Variants in ALK observed in about 807,000 individuals in gnomAD.
ALK encodes ALK receptor tyrosine kinase.
In ALK, 74 loss-of-function variants were observed where a neutral mutation model predicts 163.1. The observed-to-expected ratio is 0.45, with a 90% CI of 0.38 to 0.55. The LOEUF (loss-of-function observed/expected upper bound fraction) is 0.55. ALK is among the 20% of genes least tolerant of loss of function. The pLI is 0.00. For missense variants in ALK, 2,063 were observed against 2,105.3 expected (o/e 0.98, Z 0.39); for synonymous variants, 960 against 843.2 (o/e 1.14, Z -2.40).
Position 29,225,790 on chromosome 2 carries a change from G to T in ALK, c.3068-225C>A, listed in dbSNP as rs184052100. Among the ~76,000 whole-genome samples, 632 of 152,274 alleles carry T rather than the reference G, an allele frequency of 4.2e-3. 6 individuals are homozygous for T. Among genetic ancestry groups the T allele is most frequent in the African/African-American group, 0.014 (586 of 41,548 alleles). ...TTTTGGGTGAAGGGAAATTTAACAG[G>T]GATGAATATCAGTGGCGGGATGTTG... is the stretch of plus-strand genomic sequence containing the variant. On this transcript the variant is annotated intron_variant, in intron 18 of 28. Transcript: ENST00000389048.
At chr2:29,264,760 T>C (rs1665169902) in intron 11 of ALK, among the ~76,000 whole-genome samples, 2 of 152,232 alleles carry the variant, frequency 1.3e-5, no homozygotes, top group Admixed American at 6.5e-5. Context: ...TGGGACACTT[T>C]TGGCCCTTTG....
At chr2:29,741,709 T>A (rs2541192) in intron 1 of ALK, among the ~76,000 whole-genome samples, 100,314 of 151,894 alleles carry the variant, frequency 0.66, 36,947 homozygotes, top group East Asian at 0.82. Context: ...TAGAGAATCA[T>A]TTGTGATGGT....
At chr2:29,476,961 G>A (rs956678177) in intron 4 of ALK, among the ~76,000 whole-genome samples, 1 of 152,132 alleles carries the variant, frequency 6.6e-6, no homozygotes, top group Admixed American at 6.5e-5. Context: ...CATGCACCTC[G>A]CCTCACCCTC....
At chr2:29,463,243 G>A (rs184475720) in intron 4 of ALK, among the ~76,000 whole-genome samples, 1 of 152,280 alleles carries the variant, frequency 6.6e-6, no homozygotes, top group African/African-American at 2.4e-5. Flanking sequence ...GGAAATTAGT[G>A]CTTACGTGCT....
At chr2:29,606,731 C>T (rs1675551373) in intron 3 of ALK, among the ~76,000 whole-genome samples, 1 of 152,222 alleles carries the variant, frequency 6.6e-6, no homozygotes, top group South Asian at 2.1e-4. Context: ...GCTAGAATGG[C>T]AGGCTTCAGT....
intron 12 of ALK, among the ~76,000 whole-genome samples, chr2:29,248,837 T>G (rs556760107): frequency 6.6e-6 from 1 of 152,352 alleles, no homozygotes; most frequent in Non-Finnish European, 1.5e-5. Context: ...GCAGTCCAAA[T>G]TTTTCAGAAT....
At chr2:29,387,728 G>A (rs1348428579) in intron 4 of ALK, among the ~76,000 whole-genome samples, 1 of 152,208 alleles carries the variant, frequency 6.6e-6, no homozygotes, top group African/African-American at 2.4e-5. Context: ...ATATCCCACA[G>A]AGGTGGGAGG....
chr2:29,610,838 T>C (rs1675671360), intron 3 of ALK, among the ~76,000 whole-genome samples: 1 of 152,192 alleles, frequency 6.6e-6, no homozygotes, highest in Admixed American at 6.5e-5. Context: ...CATGTCCTAG[T>C]TCTGCTTGTG....
intron 3 of ALK, among the ~76,000 whole-genome samples, chr2:29,692,164 T>C (rs945814033): frequency 6.6e-6 from 1 of 152,126 alleles, no homozygotes; most frequent in East Asian, 1.9e-4. Flanking sequence ...GAAGCTGCAA[T>C]GGGATGCTGT....
At chr2:29,852,438 G>C (rs1010013365) in intron 1 of ALK, among the ~76,000 whole-genome samples, 2 of 152,178 alleles carry the variant, frequency 1.3e-5, no homozygotes, top group Non-Finnish European at 2.9e-5. Flanking sequence ...AGACCTACAA[G>C]TAAGACAGTT....
At chr2:29,335,487 A>C (rs1484766239) in intron 5 of ALK, among the ~76,000 whole-genome samples, 1 of 152,228 alleles carries the variant, frequency 6.6e-6, no homozygotes, top group East Asian at 1.9e-4. Context: ...AATGATTTTT[A>C]GACAACAAAG....
In ALK at chr2:29,849,764, C is replaced by T. The variant is rs115372936; in HGVS notation, c.667+70229G>A. Among the ~76,000 whole-genome samples, 677 of 152,072 alleles carry T rather than the reference C, an allele frequency of 4.5e-3. 2 individuals are homozygous for T. Among genetic ancestry groups the T allele is most frequent in the Non-Finnish European group, 6.8e-3 (464 of 67,996 alleles). ...TGCAGTGGTGTCCCTTAGCTTAGGC[C>T]CTCTGAGGAAGAAGAGGAGTGGGGA... On this transcript the variant is annotated intron_variant, in intron 1 of 28. Transcript: ENST00000389048.
chr2:29,226,868 G>A (rs2148178125), intron 18 of ALK, 54 bp downstream of exon 18: 2 of 1,609,168 alleles, frequency 1.2e-6, no homozygotes, highest in East Asian at 2.2e-5. Flanking sequence ...TTGTGGTCAT[G>A]GGCCAAATCT....
At chr2:29,833,021 A>G (rs1665461971) in intron 1 of ALK, among the ~76,000 whole-genome samples, 1 of 152,158 alleles carries the variant, frequency 6.6e-6, no homozygotes, top group African/African-American at 2.4e-5. Flanking sequence ...AAGAGAGCCC[A>G]GTGTGGGTGG....
chr2:29,831,966 T>A (rs1572418621), intron 1 of ALK, among the ~76,000 whole-genome samples: 2 of 152,328 alleles, frequency 1.3e-5, no homozygotes, highest in East Asian at 3.9e-4. Flanking sequence ...CAACTGGGTA[T>A]GGTCTTATCG....
At chr2:29,868,119 G>C (rs1666486666) in intron 1 of ALK, among the ~76,000 whole-genome samples, 1 of 152,222 alleles carries the variant, frequency 6.6e-6, no homozygotes, top group African/African-American at 2.4e-5. Flanking sequence ...GAGCAGAAAG[G>C]CTGTAGAGTT....
At chr2:29,828,240 T>C (rs897851047) in intron 1 of ALK, among the ~76,000 whole-genome samples, 1 of 152,096 alleles carries the variant, frequency 6.6e-6, no homozygotes, top group African/African-American at 2.4e-5. Context: ...GCAATACCAT[T>C]CAGGACATAG....
At chr2:29,853,334 A>T (rs1358382938) in intron 1 of ALK, among the ~76,000 whole-genome samples, 1 of 152,154 alleles carries the variant, frequency 6.6e-6, no homozygotes, top group Non-Finnish European at 1.5e-5. Context: ...TACCCATTTT[A>T]GTAAATGACA....
At chr2:29,720,211 TA>T (rs1359919435) in intron 1 of ALK, among the ~76,000 whole-genome samples, 3 of 150,418 alleles carry the variant, frequency 2.0e-5, no homozygotes, top group African/African-American at 2.4e-5. Flanking sequence ...TTCAGGGGTT[TA>T]AAAAAAAAGA....
Sources: allele counts gnomAD v4.1 joint callset (sites outside exome capture counted in the v4.1 genomes callset), GRCh38; gene constraint gnomAD v4.1.1; transcripts MANE v1.5; gene names NCBI Gene and HGNC (gene_info 2026-07-23, HGNC 2026-07-21).